ZNF630: variants seen among roughly 807,000 people sequenced by gnomAD.
ZNF630 encodes the protein dJ54B20.2 (novel KRAB box containing C2H2 type zinc finger protein).
Under a neutral mutation model 7.2 loss-of-function variants are expected in ZNF630, and 5 were observed. The ratio of observed to expected loss-of-function variants is 0.70; its 90% confidence interval spans 0.36 to 1.46. The LOEUF is 1.46. Among genes scored for constraint, ZNF630 ranks in the 40% most tolerant of loss-of-function variants. The probability of loss-of-function intolerance (pLI) is 0.03; values close to 1 mark genes in which losing one functional copy is unlikely to be tolerated. For missense variants in ZNF630, 461 were observed against 477.0 expected (o/e 0.97, Z 0.31); for synonymous variants, 158 against 162.8 (o/e 0.97, Z 0.23).
At position 48,060,136 on chromosome X, in the gene ZNF630, T is replaced by C; in HGVS notation, c.306A>G (p.Ile102Met). The change falls in exon 5 of 5, where the codon ATA becomes ATG. Residue 102 changes from isoleucine to methionine, a missense_variant. By Grantham distance (10) the Ile-to-Met change is conservative. Transcript: ENST00000276054. ...AATTATCCTTTGGGGCTCTTTCTAG[T>C]ATCTCCCTTTGAAATAAAAGTTCTC... ...ISGELLFQRE[I>M]LERAPKDNSL... 1 of 1,167,117 alleles carries C rather than the reference T, an allele frequency of 8.6e-7. No homozygotes were observed. The highest frequency in any genetic ancestry group is 1.1e-6 in the Non-Finnish European group (1 of 871,567).
intron 2 of ZNF630, chrX:48,061,878 T>A (rs782229507): frequency 8.9e-5 from 23 of 257,692 alleles, no homozygotes; most frequent in Non-Finnish European, 1.6e-4. Flanking sequence ...CTTTATAAAT[T>A]ACCCAGTCTT....
At chrX:48,066,754 C>T in intron 2 of ZNF630, 118 bp downstream of exon 2, 1 of 952,083 alleles carries the variant, frequency 1.1e-6, no homozygotes. Flanking sequence ...TGTGTATCTT[C>T]ACAGCAATTT....
chrX:48,064,548 C>T (rs1188495331), intron 2 of ZNF630, among the ~76,000 whole-genome samples: 1 of 111,945 alleles, frequency 8.9e-6, no homozygotes, highest in Admixed American at 9.5e-5. Flanking sequence ...CTGCAACCTC[C>T]TCCTCCCGGG....
rs781984494 is a variant in ZNF630 at position 48,059,964 on chromosome X, T to C, written c.478A>G (p.Lys160Glu). 1.7e-6 allele frequency: 2 copies of C among 1,208,560 alleles called. No individual in the cohort carries two copies. The highest frequency in any genetic ancestry group is 5.9e-5 in the East Asian group (2 of 33,813). Residue 160 changes from lysine (K) to glutamate (E), a missense_variant, in exon 5 of 5, where the codon AAA becomes GAA. Lys to Glu is a moderately conservative substitution (Grantham distance 56). Transcript: ENST00000276054. Reference protein sequence around the residue: ...EMGSKYSAFGKMFNRCTDLAP... With the variant: ...EMGSKYSAFGEMFNRCTDLAP... ...AGGTCTGTGCACCGATTGAACATTT[T>C]CCCAAATGCACTGTACTTGGAACCC...
chrX:48,063,941 G>A, intron 2 of ZNF630, among the ~76,000 whole-genome samples: 1 of 111,212 alleles, frequency 9.0e-6, no homozygotes, highest in South Asian at 3.8e-4. Flanking sequence ...TTATAAGTCT[G>A]TGTGCCTCTG....
In ZNF630 at chrX:48,064,243, C is replaced by A. The variant is rs782735120; in HGVS notation, c.15+2629G>T. 6.3e-5 allele frequency among the ~76,000 whole-genome samples: 7 copies of A among 111,359 alleles called. 1 individual carries two copies. The highest frequency in any genetic ancestry group is 7.5e-4 in the South Asian group (2 of 2,659). On this transcript the variant is annotated intron_variant, in intron 2 of 4. Coordinates refer to ENST00000276054, the MANE Select transcript of ZNF630 (RefSeq NM_001282201.2). ...TGAGTAAATAGTAGCTATGATTCTT[C>A]TTATTATTATTACTACTGTATATAA...
chrX:48,060,234 TACAC>T (rs56253151), intron 4 of ZNF630, 31 bp from the exon 5 acceptor site: 6,762 of 563,896 alleles, frequency 0.012, 32 homozygotes, highest in African/African-American at 0.026. Context: ...GAAAATCAAA[TACAC>T]ACACACACAC....
intron 1 of ZNF630, among the ~76,000 whole-genome samples, chrX:48,070,613 A>G (rs1556910920): frequency 2.5e-5 from 1 of 40,110 alleles, no homozygotes; most frequent in African/African-American, 8.5e-5. Flanking sequence ...ACTTCGTCTA[A>G]AAAAAAAAAA....
chrX:48,060,278 CACACACACAA>C (rs1456006705), intron 4 of ZNF630, 75 bp from the exon 5 acceptor site: 26 of 389,561 alleles, frequency 6.7e-5, no homozygotes, highest in Non-Finnish European at 9.1e-5. Flanking sequence ...CACACACACA[CACACACACAA>C]AACAGTTGGC....
At chrX:48,060,234 TACACACACAC>T (rs56253151) in intron 4 of ZNF630, 31 bp from the exon 5 acceptor site, 137,536 of 520,763 alleles carry the variant, frequency 0.26, 11,149 homozygotes, top group Non-Finnish European at 0.28. Flanking sequence ...GAAAATCAAA[TACACACACAC>T]ACACACACAC....
chrX:48,067,174 T>G, intron 1 of ZNF630, 113 bp from the exon 2 acceptor site: 1 of 299,571 alleles, frequency 3.3e-6, no homozygotes, highest in Non-Finnish European at 5.9e-6. Flanking sequence ...CACTAAAGAC[T>G]GCTGCAAAGG....
At chrX:48,066,687 T>C (rs2059132766) in intron 2 of ZNF630, 185 bp downstream of exon 2, 1 of 463,356 alleles carries the variant, frequency 2.2e-6, no homozygotes, top group Non-Finnish European at 3.7e-6. Context: ...CCAGTCAAAA[T>C]GTTTTGCTTA....
Position 48,057,552 on chromosome X carries a change from T to C in ZNF630, c.*916A>G, listed in dbSNP as rs782356666. On this transcript the variant is annotated 3_prime_UTR_variant, in exon 5 of 5. Transcript: ENST00000276054. The stretch of plus-strand genomic sequence containing the variant: ...AAAAGAAATAAAATATTAGCATTTA[T>C]TTACCTAATTGAGGGAAAAAATCAC... Among the ~76,000 whole-genome samples, 21 of 111,139 alleles carry C rather than the reference T, an allele frequency of 1.9e-4. No individual in the cohort carries two copies. The highest frequency in any genetic ancestry group is 3.2e-4 in the Non-Finnish European group (17 of 53,002).
Position 48,059,249 on chromosome X carries a change from G to C in ZNF630, c.1193C>G (p.Thr398Ser), listed in dbSNP as rs1327701615. The stretch of plus-strand genomic sequence containing the variant: ...AGTACATTCATAGGGCTTCTTCCCA[G>C]TATGAGTTATCTGGTGTATAAAAAG... The part of the protein sequence containing the change: ...SHLFIHQITH[T>S]GKKPYECTEC... The change falls in exon 5 of 5, where the codon ACT becomes AGT. Residue 398 changes from threonine to serine, a missense_variant. Physicochemically the swap from Thr to Ser is moderately conservative, Grantham distance 58. Transcript: ENST00000276054. 8.3e-7 allele frequency: 1 copy of C among 1,206,995 alleles called. No individual in the cohort carries two copies. The highest frequency in any genetic ancestry group is 2.2e-5 in the Admixed American group (1 of 45,653).
Position 48,059,132 on chromosome X carries a change from C to T in ZNF630, c.1310G>A (p.Gly437Glu), listed in dbSNP as rs138098633. ...GTGGGACTGTTGGCAGAAAGTTTTC[C>T]CACATTCACCACACTTATAGGGCTT... Reference protein sequence around the residue: ...GEKPYKCGECGKTFCQQSHLI... With the variant: ...GEKPYKCGECEKTFCQQSHLI... The change falls in exon 5 of 5, where the codon GGG (glycine) becomes GAG (glutamate). Residue 437 changes from glycine to glutamate, a missense_variant. Gly to Glu is a moderately conservative substitution (Grantham distance 98, BLOSUM62 -2). Coordinates refer to ENST00000276054, the MANE Select transcript of ZNF630 (RefSeq NM_001282201.2). 1.6e-3 allele frequency: 1,908 copies of T among 1,206,526 alleles called. 40 individuals are homozygous for T. The African/African-American group carries it at 0.031, about 19-fold the overall frequency.
At chrX:48,070,611 T>TAA (rs782104749) in intron 1 of ZNF630, among the ~76,000 whole-genome samples, 1,519 of 65,816 alleles carry the variant, frequency 0.023, 35 homozygotes, top group South Asian at 0.043. Flanking sequence ...AGACTTCGTC[T>TAA]AAAAAAAAAA....
At chrX:48,065,442 AAAG>A (rs782481589) in intron 2 of ZNF630, among the ~76,000 whole-genome samples, 2 of 82,678 alleles carry the variant, frequency 2.4e-5, no homozygotes, top group Admixed American at 1.2e-4. Flanking sequence ...TCTCAAAAAA[AAAG>A]AAAGAAAGAA....
rs2059097277 is a variant in ZNF630, at chrX:48,060,184, T to C, written c.258A>G (p.Glu86=). The change falls in exon 5 of 5, where the codon GAA becomes GAG. Residue 86 remains glutamate, a synonymous_variant. Transcript: ENST00000276054. ...CTCCAGAAATGATCTGCTGGGAAGATTCAAGGCCTTTCACTCTGTCTGAAG... is the reference window on the plus strand; with the variant it reads ...CTCCAGAAATGATCTGCTGGGAAGACTCAAGGCCTTTCACTCTGTCTGAAG... ...WIYPDRVKGL[E]SSQQIISGEL... 4.4e-6 allele frequency: 5 copies of C among 1,142,524 alleles called. No homozygotes were observed. Among genetic ancestry groups the C allele is most frequent in the African/African-American group, 3.7e-5 (2 of 53,340 alleles). The allele number at this position is 1,142,524 out of a possible 1,213,427, so 94.2% of individuals were successfully genotyped here.
chrX:48,059,312 C>T lies in ZNF630; in HGVS notation c.1130G>A (p.Cys377Tyr), dbSNP rs79085784. 2 of 1,206,967 alleles carry T rather than the reference C, an allele frequency of 1.7e-6. No homozygotes were observed. The highest frequency in any genetic ancestry group is 5.9e-5 in the East Asian group (2 of 33,712). Residue 377 changes from cysteine (C) to tyrosine (Y), a missense_variant, in exon 5 of 5, where the codon TGC (cysteine) becomes TAC (tyrosine). Cys to Tyr is a radical substitution (Grantham distance 194). Transcript: ENST00000276054. ...RVHTREKPFECSECRKAFCEM... is the reference protein window; with the variant it reads ...RVHTREKPFEYSECRKAFCEM... Reference sequence around the variant, plus strand: ...ACAGAAGGCTTTCCTGCATTCACTGCATTCAAAGGGCTTCTCTCTGGTATG... The same window carrying T: ...ACAGAAGGCTTTCCTGCATTCACTGTATTCAAAGGGCTTCTCTCTGGTATG...
Sources: allele counts gnomAD v4.1 joint callset (sites outside exome capture counted in the v4.1 genomes callset), GRCh38; gene constraint gnomAD v4.1.1; transcripts MANE v1.5; gene names NCBI Gene and HGNC (gene_info 2026-07-23, HGNC 2026-07-21).